Variants in SUPT3H observed in about 807,000 individuals in gnomAD.
SUPT3H encodes the protein transcription initiation protein SPT3 homolog.
A neutral mutation model predicts 44.3 loss-of-function variants in SUPT3H; 44 were observed. The observed-to-expected ratio is 0.99, with a 90% confidence interval of 0.78 to 1.28. SUPT3H has a LOEUF of 1.28. Among genes scored for constraint, SUPT3H ranks in the 50% most tolerant of loss-of-function variants. The pLI is 0.00. For missense variants in SUPT3H, 380 were observed against 387.1 expected (o/e 0.98, Z 0.15); for synonymous variants, 124 against 125.6 (o/e 0.99, Z 0.09).
At chr6:45,326,524 T>C (rs1411226553) in intron 2 of SUPT3H, among the ~76,000 whole-genome samples, 1 of 151,946 alleles carries the variant, frequency 6.6e-6, no homozygotes, top group Non-Finnish European at 1.5e-5. Flanking sequence ...TGTTTACACA[T>C]ACAATAAGGC....
chr6:45,066,137 G>T (rs1283667538), intron 3 of SUPT3H, among the ~76,000 whole-genome samples: 2 of 136,732 alleles, frequency 1.5e-5, no homozygotes, highest in South Asian at 2.5e-4. Flanking sequence ...TCATCCCTGG[G>T]ATGCAAGGCT....
chr6:44,915,069 C>T lies in SUPT3H; in HGVS notation c.912+17584G>A, dbSNP rs182024317. ...CTGAACATCCAATTCTTTCTCCTTA[C>T]CTTACCTCTAAAGAAAGTATGAGTG... On this transcript the variant is annotated intron_variant, in intron 10 of 10. Coordinates refer to ENST00000371459, the MANE Select transcript of SUPT3H (RefSeq NM_003599.4). Among the ~76,000 whole-genome samples, 35 of 152,282 alleles carry T rather than the reference C, an allele frequency of 2.3e-4. 1 individual carries two copies. The highest frequency in any genetic ancestry group is 2.2e-3 in the Admixed American group (33 of 15,298).
At chr6:44,886,803 A>G (rs1762368594) in intron 10 of SUPT3H, among the ~76,000 whole-genome samples, 1 of 152,196 alleles carries the variant, frequency 6.6e-6, no homozygotes, top group Non-Finnish European at 1.5e-5. Flanking sequence ...AAATGCTCCA[A>G]TTAAAAGACA....
At chr6:45,038,662 T>C (rs1788052293) in intron 3 of SUPT3H, among the ~76,000 whole-genome samples, 1 of 152,176 alleles carries the variant, frequency 6.6e-6, no homozygotes, top group Non-Finnish European at 1.5e-5. Flanking sequence ...TTAGGACTTC[T>C]TTAATTCTGT....
At chr6:45,040,127 A>G (rs1395221749) in intron 3 of SUPT3H, among the ~76,000 whole-genome samples, 2 of 152,166 alleles carry the variant, frequency 1.3e-5, no homozygotes, top group Middle Eastern at 6.3e-3. Flanking sequence ...TTTAGGCCAT[A>G]TGCTGTTTCA....
chr6:45,028,341 A>G (rs183373589), intron 3 of SUPT3H, among the ~76,000 whole-genome samples: 221 of 152,248 alleles, frequency 1.5e-3, no homozygotes, highest in African/African-American at 5.0e-3. Context: ...TTTTTAGTCT[A>G]CACAAGACTT....
intron 2 of SUPT3H, among the ~76,000 whole-genome samples, chr6:45,307,319 C>T (rs1200694920): frequency 6.6e-6 from 1 of 152,136 alleles, no homozygotes; most frequent in Non-Finnish European, 1.5e-5. Context: ...CAGACTGCCT[C>T]CTCAAGTGGG....
At chr6:45,286,814 T>C (rs1343157618) in intron 2 of SUPT3H, among the ~76,000 whole-genome samples, 3 of 152,208 alleles carry the variant, frequency 2.0e-5, no homozygotes, top group Non-Finnish European at 4.4e-5. Flanking sequence ...GCAGCACTAT[T>C]CACAATAGCA....
chr6:45,266,652 A>G (rs1775312242), intron 2 of SUPT3H, among the ~76,000 whole-genome samples: 1 of 152,086 alleles, frequency 6.6e-6, no homozygotes, highest in Non-Finnish European at 1.5e-5. Flanking sequence ...CTAAGTAAAC[A>G]ACTTTTTAAA....
At chr6:44,975,624 C>A (rs1305847635) in intron 6 of SUPT3H, among the ~76,000 whole-genome samples, 1 of 125,358 alleles carries the variant, frequency 8.0e-6, no homozygotes, top group Non-Finnish European at 1.6e-5. Flanking sequence ...CACTTGGGTA[C>A]AGTGTACACT....
chr6:44,955,788 C>A (rs1056103848), intron 7 of SUPT3H, among the ~76,000 whole-genome samples: 1 of 152,032 alleles, frequency 6.6e-6, no homozygotes, highest in African/African-American at 2.4e-5. Context: ...ACACACTGCT[C>A]GGGTGATGGG....
chr6:45,264,088 G>T (rs1774854949), intron 2 of SUPT3H, among the ~76,000 whole-genome samples: 1 of 151,804 alleles, frequency 6.6e-6, no homozygotes, highest in South Asian at 2.1e-4. Flanking sequence ...ACATTGTGGT[G>T]GTACACCAGA....
chr6:45,099,238 T>C (rs1233707507), intron 3 of SUPT3H: 1 of 196,954 alleles, frequency 5.1e-6, no homozygotes, highest in Non-Finnish European at 1.0e-5. Flanking sequence ...GGATGGGAGC[T>C]CATGCCAGAA....
chr6:45,216,446 G>A (rs1765075172), intron 2 of SUPT3H, among the ~76,000 whole-genome samples: 1 of 152,150 alleles, frequency 6.6e-6, no homozygotes, highest in Non-Finnish European at 1.5e-5. Flanking sequence ...GCCCTTACTT[G>A]TAAATAATAA....
At chr6:45,297,574 C>A (rs1781492746) in intron 2 of SUPT3H, among the ~76,000 whole-genome samples, 1 of 152,198 alleles carries the variant, frequency 6.6e-6, no homozygotes, top group Admixed American at 6.5e-5. Flanking sequence ...TATGCTAACA[C>A]ATTTATTTTA....
chr6:45,002,194 G>C (rs1181111344), intron 6 of SUPT3H, among the ~76,000 whole-genome samples: 1 of 152,002 alleles, frequency 6.6e-6, no homozygotes, highest in African/African-American at 2.4e-5. Context: ...GACTGCATAA[G>C]TACCCAAGCT....
chr6:45,136,966 G>A (rs1804386398), intron 2 of SUPT3H, among the ~76,000 whole-genome samples: 1 of 152,040 alleles, frequency 6.6e-6, no homozygotes, highest in Admixed American at 6.6e-5. Flanking sequence ...TAAATTCAAA[G>A]AGACTCATGC....
At chr6:45,181,480 T>A (rs1304867508) in intron 2 of SUPT3H, among the ~76,000 whole-genome samples, 1 of 151,868 alleles carries the variant, frequency 6.6e-6, no homozygotes, top group East Asian at 1.9e-4. Context: ...TGTCCAACAA[T>A]GATAGACTGG....
At chr6:44,904,316 C>G (rs1765622324) in intron 10 of SUPT3H, among the ~76,000 whole-genome samples, 1 of 152,324 alleles carries the variant, frequency 6.6e-6, no homozygotes, top group South Asian at 2.1e-4. Flanking sequence ...GCAACTTCAG[C>G]AAAGTCTCAG....
Sources: allele counts gnomAD v4.1 joint callset (sites outside exome capture counted in the v4.1 genomes callset), GRCh38; gene constraint gnomAD v4.1.1; transcripts MANE v1.5; gene names NCBI Gene and HGNC (gene_info 2026-07-23, HGNC 2026-07-21).